Variants in KCNMA1 observed in about 807,000 individuals in gnomAD.
The protein encoded by KCNMA1 is potassium calcium-activated channel subfamily M alpha 1, also known as Calcium-activated potassium channel subunit alpha-1.
KCNMA1 carries 29 observed loss-of-function variants against 140.0 expected under a neutral mutation model. The ratio of observed to expected loss-of-function variants is 0.21; its 90% CI spans 0.15 to 0.28. The LOEUF (loss-of-function observed/expected upper bound fraction) is 0.28, where lower values mean the gene tolerates loss of function less well. KCNMA1 is among the 10% of genes least tolerant of loss of function. The probability of loss-of-function intolerance (pLI) is 1.00; values close to 1 mark genes in which losing one functional copy is unlikely to be tolerated. For synonymous variants in KCNMA1, 612 were observed against 611.9 expected, an observed-to-expected ratio of 1.00 and a Z score of 0.00; for missense variants, 880 against 1,602.2, an observed-to-expected ratio of 0.55 and a Z score of 7.70.
intron 6 of KCNMA1, among the ~76,000 whole-genome samples, chr10:77,115,061 C>T (rs2097424010): frequency 6.6e-6 from 1 of 152,232 alleles, no homozygotes; most frequent in Non-Finnish European, 1.5e-5. Context: ...TTAGGATCAC[C>T]TGTGCTTTAT....
intron 5 of KCNMA1, among the ~76,000 whole-genome samples, chr10:77,171,768 A>G (rs1325746261): frequency 6.6e-6 from 1 of 152,166 alleles, no homozygotes; most frequent in Non-Finnish European, 1.5e-5. Context: ...TTTTATTTCT[A>G]TTAAGCTCCC....
intron 5 of KCNMA1, among the ~76,000 whole-genome samples, chr10:77,137,493 A>C (rs2098069782): frequency 6.6e-6 from 1 of 152,108 alleles, no homozygotes; most frequent in Admixed American, 6.5e-5. Flanking sequence ...GCCCAGGAGC[A>C]TGGGGAGGCT....
intron 23 of KCNMA1, among the ~76,000 whole-genome samples, chr10:76,940,998 A>AAAGGAAGGAAGGAAGGAAGGAAGG (rs752766663): frequency 1.1e-4 from 7 of 63,302 alleles, no homozygotes; most frequent in East Asian, 5.0e-4. Flanking sequence ...AGAGAGAAAG[A>AAAGGAAGGAAGGAAGGAAGGAAGG]AAGGAAGGAA....
At chr10:77,627,810 T>C (rs1011795524) in intron 1 of KCNMA1, among the ~76,000 whole-genome samples, 1 of 152,226 alleles carries the variant, frequency 6.6e-6, no homozygotes, top group Non-Finnish European at 1.5e-5. Context: ...AATAGTGGCC[T>C]CAGGAGATCA....
chr10:77,054,143 C>A (rs2095467996), intron 14 of KCNMA1, among the ~76,000 whole-genome samples: 1 of 152,086 alleles, frequency 6.6e-6, no homozygotes, highest in African/African-American at 2.4e-5. Context: ...AAAATTGAAT[C>A]CTAGTTAGAC....
chr10:77,446,735 A>G (rs547800997), intron 1 of KCNMA1, among the ~76,000 whole-genome samples: 1 of 152,350 alleles, frequency 6.6e-6, no homozygotes, highest in Admixed American at 6.5e-5. Context: ...TTCAGAAGAT[A>G]GCTAGAAAGT....
At chr10:77,307,910 T>C (rs528804205) in intron 2 of KCNMA1, among the ~76,000 whole-genome samples, 2 of 152,336 alleles carry the variant, frequency 1.3e-5, no homozygotes, top group African/African-American at 4.8e-5. Flanking sequence ...TGTAACACCA[T>C]TGTACGTTGA....
chr10:76,886,715 C>A lies in KCNMA1; in HGVS notation c.*551G>T. 1.0e-6 allele frequency: 1 copy of A among 1,003,310 alleles called. No individual in the cohort carries two copies. Among genetic ancestry groups the A allele is most frequent in the East Asian group, 1.0e-4 (1 of 9,962 alleles). The allele number at this position is 1,003,310 out of a possible 1,614,324, so 62.2% of individuals were successfully genotyped here. On this transcript the variant is annotated 3_prime_UTR_variant, in exon 28 of 28. Transcript: ENST00000286628. ...ATCTACACAAATCGTGAAAGCTTTT[C>A]AAATGCTTCGCAATACTTCGGCCCA... is the stretch of plus-strand genomic sequence containing the variant.
chr10:76,907,271 T>C lies in KCNMA1; in HGVS notation c.3147+2695A>G, dbSNP rs1292966471. On this transcript the variant is annotated intron_variant, in intron 25 of 27. Coordinates refer to ENST00000286628, the MANE Select transcript of KCNMA1 (RefSeq NM_001161352.2). Reference sequence around the variant, plus strand: ...CAAAGGAGATGAGAGATGGCTTGTTTAAAAATTTCAAATCAATTCACTTTG... The same window carrying C: ...CAAAGGAGATGAGAGATGGCTTGTTCAAAAATTTCAAATCAATTCACTTTG... Among the ~76,000 whole-genome samples the C allele has an allele frequency of 2.0e-5, 3 of 152,368 alleles. No homozygotes were observed. In the East Asian group the frequency reaches 5.8e-4, roughly 29 times the overall value.
intron 20 of KCNMA1, among the ~76,000 whole-genome samples, chr10:76,965,195 G>C (rs1024523973): frequency 2.0e-5 from 3 of 152,130 alleles, no homozygotes; most frequent in Non-Finnish European, 2.9e-5. Context: ...TTGGGCCACG[G>C]GTGCTTGATG....
At chr10:76,937,013 T>C (rs189920442) in intron 23 of KCNMA1, among the ~76,000 whole-genome samples, 58 of 152,226 alleles carry the variant, frequency 3.8e-4, no homozygotes, top group Admixed American at 7.2e-4. Flanking sequence ...ATCAAGAACA[T>C]GCTGGATATC....
intron 3 of KCNMA1, among the ~76,000 whole-genome samples, chr10:77,231,674 C>T (rs1019435295): frequency 2.7e-5 from 4 of 145,838 alleles, no homozygotes; most frequent in African/African-American, 1.1e-4. Context: ...AGCATGTGCT[C>T]ACACCCCAAT....
chr10:77,121,571 CAA>C (rs1290291310), intron 5 of KCNMA1, among the ~76,000 whole-genome samples: 3 of 148,628 alleles, frequency 2.0e-5, no homozygotes, highest in Non-Finnish European at 4.5e-5. Flanking sequence ...ATTTTCCTCC[CAA>C]TAAAAAAAAA....
chr10:77,228,241 AG>A (rs2052250643), intron 3 of KCNMA1, among the ~76,000 whole-genome samples: 2 of 152,354 alleles, frequency 1.3e-5, no homozygotes, highest in South Asian at 4.1e-4. Flanking sequence ...CTGGGATTAC[AG>A]GCGTGAGCCA....
At chr10:77,311,630 G>C (rs1251391263) in intron 2 of KCNMA1, among the ~76,000 whole-genome samples, 1 of 152,182 alleles carries the variant, frequency 6.6e-6, no homozygotes, top group Non-Finnish European at 1.5e-5. Context: ...TTGAGAGAGA[G>C]AGCAAGCGAG....
At chr10:76,926,021 C>CT (rs137856120) in intron 23 of KCNMA1, among the ~76,000 whole-genome samples, 2,597 of 152,194 alleles carry the variant, frequency 0.017, 67 homozygotes, top group African/African-American at 0.057. Flanking sequence ...AAGAAAGAAT[C>CT]TTTTTTTCTT....
intron 2 of KCNMA1, among the ~76,000 whole-genome samples, chr10:77,258,481 C>T (rs1054582149): frequency 2.0e-5 from 3 of 152,260 alleles, no homozygotes; most frequent in Admixed American, 6.5e-5. Context: ...TCTGACCCAT[C>T]GCCTCCCTCT....
intron 1 of KCNMA1, among the ~76,000 whole-genome samples, chr10:77,608,513 C>T (rs2085409423): frequency 1.3e-5 from 2 of 152,032 alleles, no homozygotes; most frequent in South Asian, 2.1e-4. Flanking sequence ...CCCTGAGCCC[C>T]GGCCAAGGAG....
At chr10:77,322,463 C>T (rs969872703) in intron 2 of KCNMA1, among the ~76,000 whole-genome samples, 2 of 152,344 alleles carry the variant, frequency 1.3e-5, no homozygotes, top group Admixed American at 1.3e-4. Context: ...AAGATGTGTG[C>T]TGCAGATGTG....
Sources: gnomAD v4.1 joint callset for allele counts (sites outside exome capture counted in the v4.1 genomes callset) on GRCh38, gnomAD v4.1.1 for gene constraint, MANE v1.5 for transcripts, NCBI Gene and HGNC (gene_info 2026-07-23, HGNC 2026-07-21) for gene names.